Variants in LRRC43 observed in about 807,000 individuals in gnomAD.
The protein encoded by LRRC43 is leucine-rich repeat-containing protein 43.
Under a neutral mutation model 64.3 loss-of-function variants are expected in LRRC43, and 62 were observed. The ratio of observed to expected loss-of-function variants is 0.96; its 90% CI spans 0.79 to 1.19. The LOEUF (loss-of-function observed/expected upper bound fraction) is 1.19. Among genes scored for constraint, LRRC43 ranks in the 50% most tolerant of loss-of-function variants. The probability of loss-of-function intolerance (pLI) is 0.00; values close to 1 mark genes in which losing one functional copy is unlikely to be tolerated. For synonymous variants in LRRC43, 422 were observed against 382.3 expected, an observed-to-expected ratio of 1.10 and a Z score of -1.21; for missense variants, 868 against 845.0, an observed-to-expected ratio of 1.03 and a Z score of -0.34.
In LRRC43 at chr12:122,187,702, T is replaced by G; in HGVS notation, c.524T>G (p.Val175Gly). ...DATNLPPTLK[V>G]LELYGNEISS... ...CGGGCCTTCCGTGTGGTCTCCCAGG[T>G]GCTGGAGCTCTACGGCAATGAGATC... Residue 175 changes from valine (V) to glycine (G), a missense_variant and splice_region_variant, in exon 4 of 12, where the codon GTG becomes GGG. Coordinates refer to ENST00000339777, the MANE Select transcript of LRRC43 (RefSeq NM_001098519.2). 1 of 1,613,416 alleles carries G rather than the reference T, an allele frequency of 6.2e-7. No individual in the cohort carries two copies. The highest frequency in any genetic ancestry group is 8.5e-7 in the Non-Finnish European group (1 of 1,180,012).
intron 1 of LRRC43, among the ~76,000 whole-genome samples, chr12:122,171,006 G>A (rs943008465): frequency 6.6e-6 from 1 of 152,202 alleles, no homozygotes; most frequent in African/African-American, 2.4e-5. Flanking sequence ...CAGGGACCAC[G>A]TTTTGAGTCC....
rs116370502 is a variant in LRRC43 at position 122,186,440 on chromosome 12, T to A, written c.522+140T>A. The A allele has an allele frequency of 1.2e-3, 759 of 613,406 alleles. 6 individuals are homozygous for A. The highest frequency in any genetic ancestry group is 0.012 in the African/African-American group (632 of 54,108). The allele number at this position is 613,406 out of a possible 1,614,324, so 38.0% of individuals were successfully genotyped here. ...GCTTTTAAAATGTAGGTCACTTTCCTAGAAAAGTTCAACATAGAATAACCA... is the reference window on the plus strand; with the variant it reads ...GCTTTTAAAATGTAGGTCACTTTCCAAGAAAAGTTCAACATAGAATAACCA... On this transcript the variant is annotated intron_variant, in intron 3 of 11. Coordinates refer to ENST00000339777, the MANE Select transcript of LRRC43 (RefSeq NM_001098519.2).
At chr12:122,199,467 A>G (rs1177188721) in intron 7 of LRRC43, among the ~76,000 whole-genome samples, 1 of 151,044 alleles carries the variant, frequency 6.6e-6, no homozygotes, top group African/African-American at 2.4e-5. Flanking sequence ...TATTTTTAGT[A>G]GAGACGGGGT....
At chr12:122,182,624 C>G (rs987834736), upstream of LRRC43, among the ~76,000 whole-genome samples, 1 of 151,614 alleles carries the variant, frequency 6.6e-6, no homozygotes, top group Non-Finnish European at 1.5e-5. Context: ...ACCCGGGACA[C>G]GGAGATTGCG....
At chr12:122,186,493 G>A (rs906363430) in intron 3 of LRRC43, among the ~76,000 whole-genome samples, 193 bp downstream of exon 3, 1 of 152,166 alleles carries the variant, frequency 6.6e-6, no homozygotes, top group Non-Finnish European at 1.5e-5. Context: ...ATTCCTAGGT[G>A]TATCCATGAA....
intron 1 of LRRC43, among the ~76,000 whole-genome samples, chr12:122,171,799 G>A (rs1461012562): frequency 6.6e-6 from 1 of 151,964 alleles, no homozygotes; most frequent in Non-Finnish European, 1.5e-5. Flanking sequence ...GAACTCCTGG[G>A]CTCAAGTGAT....
At chr12:122,176,200 A>C (rs1446857935) in intron 1 of LRRC43, among the ~76,000 whole-genome samples, 1 of 152,190 alleles carries the variant, frequency 6.6e-6, no homozygotes, top group Non-Finnish European at 1.5e-5. Flanking sequence ...GACATTGAAG[A>C]AGAGACTGAA....
At chr12:122,188,168 G>A (rs879539719) in intron 4 of LRRC43, among the ~76,000 whole-genome samples, 6 of 151,944 alleles carry the variant, frequency 3.9e-5, no homozygotes, top group Admixed American at 6.5e-5. Context: ...GCGCATTGGC[G>A]CCATCTCTGC....
upstream of LRRC43, among the ~76,000 whole-genome samples, chr12:122,179,947 G>A (rs944708815): frequency 1.0e-4 from 15 of 145,310 alleles, no homozygotes; most frequent in African/African-American, 3.9e-4. Context: ...CTCCAGCCTC[G>A]TGACAGAGTG....
Position 122,193,940 on chromosome 12 carries a change from T to C in LRRC43, c.1349+936T>C, listed in dbSNP as rs181097136. 1.8e-3 allele frequency among the ~76,000 whole-genome samples: 279 copies of C among 152,312 alleles called. 2 individuals are homozygous for C. Among genetic ancestry groups the C allele is most frequent in the African/African-American group, 6.3e-3 (262 of 41,564 alleles). Reference sequence around the variant, plus strand: ...CCTTGGGTGTGAAAACCTTTTTTGGTTTAACATTTTAATCCATCTAAGATG... The same window carrying C: ...CCTTGGGTGTGAAAACCTTTTTTGGCTTAACATTTTAATCCATCTAAGATG... On this transcript the variant is annotated intron_variant, in intron 7 of 11. Coordinates refer to ENST00000339777, the MANE Select transcript of LRRC43 (RefSeq NM_001098519.2).
rs1445985487 is a variant in LRRC43, at chr12:122,191,526, G to A, written c.1048G>A (p.Glu350Lys). 1 of 1,613,950 alleles carries A rather than the reference G, an allele frequency of 6.2e-7. No homozygotes were observed. The highest frequency in any genetic ancestry group is 8.5e-7 in the Non-Finnish European group (1 of 1,180,044). Residue 350 changes from glutamate to lysine, a missense_variant, in exon 6 of 12, where the codon GAA (glutamate) becomes AAA (lysine). By Grantham distance (56) the Glu-to-Lys change is moderately conservative (BLOSUM62 1). Transcript: ENST00000339777. ...YYVTYDFVKD[E>K]EGEMNESAGV... ...CGTGACCTATGATTTTGTGAAAGAT[G>A]AAGAAGGCGAAATGAATGAGTCCGC...
At chr12:122,201,069 T>A in intron 10 of LRRC43, 135 bp downstream of exon 10, 1 of 1,202,898 alleles carries the variant, frequency 8.3e-7, no homozygotes, top group Non-Finnish European at 1.2e-6. Context: ...CCCTGGGGCA[T>A]GCAGCTGGGC....
intron 5 of LRRC43, among the ~76,000 whole-genome samples, chr12:122,190,714 T>A (rs1953708343): frequency 6.6e-6 from 1 of 152,076 alleles, no homozygotes; most frequent in African/African-American, 2.4e-5. Context: ...AATACAAAAA[T>A]TAGCCAGGCA....
At chr12:122,176,516 T>C (rs1488717453) in intron 1 of LRRC43, among the ~76,000 whole-genome samples, 1 of 108,830 alleles carries the variant, frequency 9.2e-6, no homozygotes, top group Non-Finnish European at 1.9e-5. Context: ...CTTTTCTTAA[T>C]TGTTTTGTCT....
At chr12:122,201,198 C>T (rs1953834950) in intron 10 of LRRC43, 98 bp from the exon 11 acceptor site, 3 of 1,248,906 alleles carry the variant, frequency 2.4e-6, no homozygotes, top group Non-Finnish European at 3.5e-6. Flanking sequence ...CCTTCCTGGA[C>T]CTGTCAGAGC....
chr12:122,202,153 A>T (rs1406550027), intron 11 of LRRC43: 1 of 152,156 alleles, frequency 6.6e-6, no homozygotes, highest in Admixed American at 6.5e-5. Flanking sequence ...CCATGCCTAT[A>T]TGAACATGTG....
chr12:122,172,823 C>A, intron 1 of LRRC43: 1 of 1,058,586 alleles, frequency 9.4e-7, no homozygotes, highest in Non-Finnish European at 1.4e-6. Flanking sequence ...CATGCTTCCT[C>A]CGTAACCCGC....
At chr12:122,169,289 T>C (rs554973032) in intron 1 of LRRC43, among the ~76,000 whole-genome samples, 3 of 152,290 alleles carry the variant, frequency 2.0e-5, no homozygotes, top group Admixed American at 2.0e-4. Context: ...CTATGCAGAT[T>C]TCCTGTTTCT....
rs1953601271 is a variant in LRRC43 at position 122,183,234 on chromosome 12, C to T, written c.90C>T (p.Ala30=). 1.9e-6 allele frequency: 3 copies of T among 1,568,744 alleles called. No individual in the cohort carries two copies. Among genetic ancestry groups the T allele is most frequent in the Non-Finnish European group, 2.6e-6 (3 of 1,166,928 alleles). Residue 30 remains alanine, a synonymous_variant, in exon 1 of 12, where the codon GCC becomes GCT. Coordinates refer to ENST00000339777, the MANE Select transcript of LRRC43 (RefSeq NM_001098519.2). ...QRPGTGTVSA[A]VREHLRKLCL... ...CCGGGACCGGGACCGTGAGCGCGGC[C>T]GTGCGCGAGCACTTGCGGAAGCTGT...
Sources: allele counts gnomAD v4.1 joint callset (sites outside exome capture counted in the v4.1 genomes callset), GRCh38; gene constraint gnomAD v4.1.1; transcripts MANE v1.5; gene names NCBI Gene and HGNC (gene_info 2026-07-23, HGNC 2026-07-21).